PDK2: variants seen among roughly 807,000 people sequenced by gnomAD.
PDK2 encodes the protein pyruvate dehydrogenase kinase, isozyme 2.
A neutral mutation model predicts 50.4 loss-of-function variants in PDK2; 34 were observed. The observed-to-expected ratio is 0.68, with a 90% CI of 0.51 to 0.90. The LOEUF (loss-of-function observed/expected upper bound fraction) is 0.90, where lower values mean the gene tolerates loss of function less well. Ranked by LOEUF, PDK2 falls within the 40% of genes least tolerant of loss-of-function variation. PDK2 has a pLI of 0.00. For synonymous variants in PDK2, 232 were observed against 216.0 expected, an observed-to-expected ratio of 1.07 and a Z score of -0.65; for missense variants, 377 against 544.5, an observed-to-expected ratio of 0.69 and a Z score of 3.06.
Position 50,102,511 on chromosome 17 carries a change from C to T in PDK2, c.261-2860C>T, listed in dbSNP as rs145406355. 4.9e-3 allele frequency among the ~76,000 whole-genome samples: 744 copies of T among 152,244 alleles called. 6 individuals are homozygous for T. The highest frequency in any genetic ancestry group is 5.8e-3 in the Non-Finnish European group (391 of 67,990). On this transcript the variant is annotated intron_variant, in intron 2 of 10. Transcript: ENST00000503176. The stretch of plus-strand genomic sequence containing the variant: ...CCTCCCAGCTCCCACCCGCTTCATC[C>T]CCACCTGCCTCCTGGGAAGGGGCCT...
At chr17:50,099,685 C>G (rs1156577022) in intron 2 of PDK2, among the ~76,000 whole-genome samples, 3 of 152,134 alleles carry the variant, frequency 2.0e-5, no homozygotes, top group Admixed American at 2.0e-4. Flanking sequence ...CCCAGCTACT[C>G]GGGAGGCTGA....
chr17:50,097,698 G>A (rs1296570350), intron 2 of PDK2, 134 bp downstream of exon 2: 12 of 1,021,798 alleles, frequency 1.2e-5, no homozygotes, highest in African/African-American at 3.2e-5. Context: ...AGCCCCAAGC[G>A]CTTGGAGTTG....
intron 1 of PDK2, 89 bp from the exon 2 acceptor site, chr17:50,097,334 G>A: frequency 7.2e-7 from 1 of 1,393,972 alleles, no homozygotes; most frequent in Non-Finnish European, 9.9e-7. Context: ...TGAGCCCCCT[G>A]TTAATGAAGG....
At chr17:50,103,428 C>T (rs1910336131) in intron 2 of PDK2, among the ~76,000 whole-genome samples, 2 of 152,196 alleles carry the variant, frequency 1.3e-5, no homozygotes, top group African/African-American at 4.8e-5. Context: ...AGGATGCATG[C>T]AGCTGTTGAC....
upstream of PDK2, chr17:50,094,913 A>G (rs16948691): frequency 0.072 from 11,082 of 154,976 alleles, 788 homozygotes; most frequent in East Asian, 0.38. Context: ...CGATCATGAC[A>G]GGTGAAACAG....
intron 8 of PDK2, 61 bp downstream of exon 8, chr17:50,108,478 G>T: frequency 6.9e-7 from 1 of 1,455,460 alleles, no homozygotes; most frequent in Non-Finnish European, 9.6e-7. Flanking sequence ...CTCCTGCCAG[G>T]AGACGGGCTT....
Position 50,112,150 on chromosome 17 carries a change from C to T in PDK2, c.*2053C>T, listed in dbSNP as rs781703597. 3 of 152,246 alleles carry T rather than the reference C, an allele frequency of 2.0e-5. No individual in the cohort carries two copies. Among genetic ancestry groups the T allele is most frequent in the Non-Finnish European group, 4.4e-5 (3 of 68,120 alleles). 9.4% of individuals were successfully genotyped at this position (152,246 alleles called of 1,614,324 possible). On this transcript the variant is annotated 3_prime_UTR_variant, in exon 11 of 11. Coordinates refer to ENST00000503176, the MANE Select transcript of PDK2 (RefSeq NM_002611.5). ...CCTGGCTTGGAGAATGGGTCAAAGACCAGGTCTTGAATGGGCCCTGAGAGG... is the reference window on the plus strand; with the variant it reads ...CCTGGCTTGGAGAATGGGTCAAAGATCAGGTCTTGAATGGGCCCTGAGAGG...
intron 1 of PDK2, 120 bp from the exon 2 acceptor site, chr17:50,097,303 C>A: frequency 1.0e-6 from 1 of 982,084 alleles, no homozygotes; most frequent in Non-Finnish European, 1.5e-6. Flanking sequence ...GCTGTGTGCC[C>A]CGGGCAGGTC....
rs754348054 is a variant in PDK2 at position 50,105,963 on chromosome 17, C to T, written c.411C>T (p.Tyr137=). 1.2e-6 allele frequency: 2 copies of T among 1,613,224 alleles called. No homozygotes were observed. Among genetic ancestry groups the T allele is most frequent in the Non-Finnish European group, 1.7e-6 (2 of 1,179,628 alleles). ...VPTMAQGVLE[Y]KDTYGDDPVS... ...CCATGGCACAAGGCGTGCTTGAGTA[C>T]AAGGACACCTACGGCGATGACCCCG... Residue 137 remains tyrosine (Y), a synonymous_variant, in exon 4 of 11, where the codon TAC becomes TAT. Coordinates refer to ENST00000503176, the MANE Select transcript of PDK2 (RefSeq NM_002611.5).
At position 50,101,462 on chromosome 17, in the gene PDK2, G is replaced by A. The variant is rs570385529; in HGVS notation, c.260+3898G>A. 6.6e-6 allele frequency among the ~76,000 whole-genome samples: 1 copy of A among 152,212 alleles called. No homozygotes were observed. The highest frequency in any genetic ancestry group is 6.5e-5 in the Admixed American group (1 of 15,300). On this transcript the variant is annotated intron_variant, in intron 2 of 10. Transcript: ENST00000503176. This position sits in a 1 kb window ranked among gnomAD's most constrained non-coding sequence, Gnocchi z 4.2. ...CAAACCTGCCTGGCTCAGAGGCTCC[G>A]GAGGCGGGACACCGCCACCTCTCCC...
intron 2 of PDK2, among the ~76,000 whole-genome samples, chr17:50,102,265 T>C (rs1414989202): frequency 6.6e-6 from 1 of 152,170 alleles, no homozygotes; most frequent in Non-Finnish European, 1.5e-5. Flanking sequence ...GCCCTGGCCC[T>C]GTGAGGGAGG....
intron 4 of PDK2, 23 bp downstream of exon 4, chr17:50,106,092 G>T: frequency 6.4e-7 from 1 of 1,573,912 alleles, no homozygotes; most frequent in South Asian, 1.2e-5. Context: ...CACAGCGGCG[G>T]GGAGCGGGCG....
Position 50,109,942 on chromosome 17 carries a change from C to A in PDK2, c.1084-15C>A. On this transcript the variant is annotated splice_polypyrimidine_tract_variant and intron_variant, in intron 10 of 10. Coordinates refer to ENST00000503176, the MANE Select transcript of PDK2 (RefSeq NM_002611.5). The surrounding 1 kb of genome is among the most constrained non-coding windows in gnomAD (Gnocchi z 5.0). ...GCACAGGGAGGTGGGAGGGGCTGAC[C>A]CTGACACTCCCCAGGCCCTGTCCAC... 6.5e-7 allele frequency: 1 copy of A among 1,528,540 alleles called. No homozygotes were observed. Among genetic ancestry groups the A allele is most frequent in the Admixed American group, 2.0e-5 (1 of 50,676 alleles). The allele number at this position is 1,528,540 out of a possible 1,614,324, so 94.7% of individuals were successfully genotyped here.
At chr17:50,095,684 C>T in intron 1 of PDK2, 131 bp downstream of exon 1, 1 of 1,457,640 alleles carries the variant, frequency 6.9e-7, no homozygotes, top group Non-Finnish European at 9.1e-7. Context: ...AAGGTACAGG[C>T]AGGAAAGAGT....
At chr17:50,107,522 C>T (rs1297283528) in intron 6 of PDK2, among the ~76,000 whole-genome samples, 6 of 152,092 alleles carry the variant, frequency 3.9e-5, no homozygotes, top group Admixed American at 3.3e-4. Context: ...CTGAGACTGC[C>T]GTGAGCTGAG....
chr17:50,110,241 G>A lies in PDK2; in HGVS notation c.*144G>A, dbSNP rs889658208. ...CTGTCTCTATGGAAGTCACTGCGGT[G>A]ATAGGTCTGTGATGGTCCCTAAGTG... On this transcript the variant is annotated 3_prime_UTR_variant, in exon 11 of 11. Coordinates refer to ENST00000503176, the MANE Select transcript of PDK2 (RefSeq NM_002611.5). 2.2e-6 allele frequency: 2 copies of A among 901,764 alleles called. No homozygotes were observed. Among genetic ancestry groups the A allele is most frequent in the African/African-American group, 3.4e-5 (2 of 59,638 alleles). The allele number at this position is 901,764 out of a possible 1,614,324, so 55.9% of individuals were successfully genotyped here. A position where few individuals can be genotyped will look rare whatever the true frequency, so the allele number is the denominator to read the frequency against.
In PDK2 at chr17:50,095,408, C is replaced by T. The variant is rs777787541; in HGVS notation, c.-28C>T. The T allele has an allele frequency of 1.2e-5, 18 of 1,548,396 alleles. No homozygotes were observed. Among genetic ancestry groups the T allele is most frequent in the Middle Eastern group, 3.6e-4 (2 of 5,542 alleles). ...GCGCGAGCGCTGCCCGCGCGGGGAC[C>T]ACAACCAAAGTCGCGGCCGCCGCAG... On this transcript the variant is annotated 5_prime_UTR_variant, in exon 1 of 11. Transcript: ENST00000503176.
At chr17:50,096,899 G>T (rs571275667) in intron 1 of PDK2, among the ~76,000 whole-genome samples, 1 of 152,346 alleles carries the variant, frequency 6.6e-6, no homozygotes, top group East Asian at 1.9e-4. Context: ...TCTCAGGCCC[G>T]TTTGCCCCAT....
Position 50,110,153 on chromosome 17 carries a change from C to G in PDK2, c.*56C>G. 6.6e-6 allele frequency: 10 copies of G among 1,504,296 alleles called. No individual in the cohort carries two copies. The highest frequency in any genetic ancestry group is 8.9e-6 in the Non-Finnish European group (10 of 1,119,060). The allele number at this position is 1,504,296 out of a possible 1,614,324, so 93.2% of individuals were successfully genotyped here. A position where few individuals can be genotyped will look rare whatever the true frequency, so the allele number is the denominator to read the frequency against. On this transcript the variant is annotated 3_prime_UTR_variant, in exon 11 of 11. Transcript: ENST00000503176. Reference sequence around the variant, plus strand: ...GGACTGCCGCCTCTGGGTCCCCCCACCGTGGTGCCCCTCACCATCCTCCTG... The same window carrying G: ...GGACTGCCGCCTCTGGGTCCCCCCAGCGTGGTGCCCCTCACCATCCTCCTG...
Sources: allele counts gnomAD v4.1 joint callset (sites outside exome capture counted in the v4.1 genomes callset), GRCh38; gene constraint gnomAD v4.1.1; non-coding constraint Gnocchi (gnomAD v3.1); transcripts MANE v1.5; gene names NCBI Gene and HGNC (gene_info 2026-07-23, HGNC 2026-07-21).